SPAG16: variants seen among roughly 807,000 people sequenced by gnomAD.
SPAG16 encodes sperm-associated antigen 16 protein.
SPAG16 carries 86 observed loss-of-function variants against 80.4 expected under a neutral mutation model. The observed-to-expected ratio is 1.07, with a 90% CI of 0.90 to 1.28. SPAG16 has a LOEUF of 1.28. Ranked by LOEUF, SPAG16 falls within the 50% of genes most tolerant of loss-of-function variation. The pLI is 0.00. For synonymous variants in SPAG16, 294 were observed against 265.9 expected, an observed-to-expected ratio of 1.11 and a Z score of -1.03; for missense variants, 870 against 765.3, an observed-to-expected ratio of 1.14 and a Z score of -1.61.
intron 15 of SPAG16, among the ~76,000 whole-genome samples, chr2:214,293,530 G>A (rs1266487219): frequency 6.6e-6 from 1 of 152,198 alleles, no homozygotes; most frequent in Non-Finnish European, 1.5e-5. Flanking sequence ...CTGGTAGTAT[G>A]TTCAGGCACT....
At chr2:213,541,880 T>A (rs1418845432) in intron 10 of SPAG16, among the ~76,000 whole-genome samples, 2 of 152,206 alleles carry the variant, frequency 1.3e-5, no homozygotes, top group African/African-American at 4.8e-5. Context: ...CCCACTGAGT[T>A]CTTCCTCACT....
intron 10 of SPAG16, among the ~76,000 whole-genome samples, chr2:213,835,537 G>C (rs771608922): frequency 6.6e-6 from 1 of 152,084 alleles, no homozygotes; most frequent in South Asian, 2.1e-4. Flanking sequence ...AACACATTAT[G>C]GTCTCCCTGG....
intron 13 of SPAG16, among the ~76,000 whole-genome samples, chr2:214,045,487 A>G (rs1005864431): frequency 3.3e-5 from 5 of 152,180 alleles, no homozygotes; most frequent in African/African-American, 1.2e-4. Context: ...CTATGGGGAG[A>G]GACTCTTGCT....
chr2:214,068,737 G>A (rs917007337), intron 13 of SPAG16, among the ~76,000 whole-genome samples: 7 of 152,018 alleles, frequency 4.6e-5, no homozygotes, highest in South Asian at 2.1e-4. Flanking sequence ...ATACATCCAA[G>A]GAGCCAGTAA....
At chr2:213,743,504 T>TA (rs141181912) in intron 10 of SPAG16, among the ~76,000 whole-genome samples, 32,248 of 152,150 alleles carry the variant, frequency 0.21, 3,939 homozygotes, top group South Asian at 0.33. Flanking sequence ...TATTTCATCC[T>TA]AAAAAATGTT....
At chr2:214,143,945 G>A (rs1377028622) in intron 14 of SPAG16, among the ~76,000 whole-genome samples, 3 of 152,010 alleles carry the variant, frequency 2.0e-5, no homozygotes, top group African/African-American at 4.8e-5. Flanking sequence ...ATCACATGAG[G>A]CCACAGGTTT....
At chr2:214,159,352 G>A (rs1315696713) in intron 15 of SPAG16, among the ~76,000 whole-genome samples, 1 of 151,932 alleles carries the variant, frequency 6.6e-6, no homozygotes, top group African/African-American at 2.4e-5. Context: ...AAAATTTGCA[G>A]TGCACACATA....
At chr2:213,871,883 G>C (rs62192580) in intron 11 of SPAG16, among the ~76,000 whole-genome samples, 814 of 24,894 alleles carry the variant, frequency 0.033, 4 homozygotes, top group South Asian at 0.093. Context: ...CACACACAGA[G>C]AGAGAGAGAG....
chr2:214,202,100 C>A (rs181555643), intron 15 of SPAG16, among the ~76,000 whole-genome samples: 3 of 152,222 alleles, frequency 2.0e-5, no homozygotes, highest in East Asian at 3.9e-4. Context: ...CCCTGCTGGG[C>A]CTGCCAAAGT....
At chr2:214,401,768 T>C (rs981878933) in intron 15 of SPAG16, among the ~76,000 whole-genome samples, 2 of 151,942 alleles carry the variant, frequency 1.3e-5, no homozygotes, top group Admixed American at 1.3e-4. Flanking sequence ...GAAAAATGCA[T>C]AGTTTTAGCC....
At position 214,225,941 on chromosome 2, in the gene SPAG16, G is replaced by C. The variant is rs56835961; in HGVS notation, c.1720+76675G>C. Among the ~76,000 whole-genome samples the C allele has an allele frequency of 1.0e-2, 1,519 of 152,160 alleles. 26 individuals carry two copies. Among genetic ancestry groups the C allele is most frequent in the African/African-American group, 0.034 (1,419 of 41,524 alleles). On this transcript the variant is annotated intron_variant, in intron 15 of 15. Transcript: ENST00000331683. ...TCTGGCCCTATACAGTCTAGAAGTG[G>C]TATCTTTTCTTCCTGGCTAGGTAGT... is the stretch of plus-strand genomic sequence containing the variant.
chr2:214,238,277 T>C (rs961390547), intron 15 of SPAG16: 5 of 296,548 alleles, frequency 1.7e-5, no homozygotes, highest in Admixed American at 4.7e-5. Flanking sequence ...TCGTTTTCCA[T>C]CTGCTTGAGT....
chr2:213,618,015 C>T (rs1234172345), intron 10 of SPAG16, among the ~76,000 whole-genome samples: 1 of 151,956 alleles, frequency 6.6e-6, no homozygotes, highest in Non-Finnish European at 1.5e-5. Flanking sequence ...AGGTTGTAGC[C>T]CCTAGTTATT....
intron 12 of SPAG16, among the ~76,000 whole-genome samples, chr2:213,957,969 G>A (rs548839491): frequency 4.6e-5 from 7 of 152,316 alleles, no homozygotes; most frequent in African/African-American, 1.7e-4. Flanking sequence ...AGTAAGGAAA[G>A]ACACAGAGGA....
intron 10 of SPAG16, among the ~76,000 whole-genome samples, chr2:213,606,622 C>T (rs774318779): frequency 6.6e-6 from 1 of 152,136 alleles, no homozygotes; most frequent in Non-Finnish European, 1.5e-5. Context: ...TCCACCTGAT[C>T]CTAGTGATTA....
chr2:213,718,046 C>T lies in SPAG16; in HGVS notation c.1071-144439C>T, dbSNP rs79077594. Among the ~76,000 whole-genome samples, 693 of 149,050 alleles carry T rather than the reference C, an allele frequency of 4.6e-3. 9 individuals are homozygous for T. Among genetic ancestry groups the T allele is most frequent in the African/African-American group, 0.016 (646 of 40,558 alleles). On this transcript the variant is annotated intron_variant, in intron 10 of 15. Coordinates refer to ENST00000331683, the MANE Select transcript of SPAG16 (RefSeq NM_024532.5). ...TCTGCACAGCAAAAGAAACTATCAC[C>T]GGAGTTAAAAAGGCAACCTACAGAA...
chr2:213,995,813 C>A (rs1559672074), intron 12 of SPAG16, among the ~76,000 whole-genome samples: 1 of 152,190 alleles, frequency 6.6e-6, no homozygotes, highest in South Asian at 2.1e-4. Context: ...AGGATCCAGC[C>A]TCTCAGATGA....
chr2:214,059,327 T>C (rs1465021049), intron 13 of SPAG16, among the ~76,000 whole-genome samples: 5 of 149,030 alleles, frequency 3.4e-5, no homozygotes, highest in Non-Finnish European at 5.9e-5. Flanking sequence ...AATGGTTGTC[T>C]TTTTTTTCAG....
At chr2:213,455,190 G>T (rs1489966340) in intron 9 of SPAG16, among the ~76,000 whole-genome samples, 3 of 152,190 alleles carry the variant, frequency 2.0e-5, no homozygotes, top group African/African-American at 7.2e-5. Context: ...CATCATTAAT[G>T]AGATTTCTTA....
Sources: gnomAD v4.1 joint callset for allele counts (sites outside exome capture counted in the v4.1 genomes callset) on GRCh38, gnomAD v4.1.1 for gene constraint, MANE v1.5 for transcripts, NCBI Gene and HGNC (gene_info 2026-07-23, HGNC 2026-07-21) for gene names.